Variants in MGST3 observed in about 807,000 individuals in gnomAD.
MGST3 encodes microsomal glutathione S-transferase 3.
Under a neutral mutation model 15.8 loss-of-function variants are expected in MGST3, and 13 were observed. The ratio of observed to expected loss-of-function variants is 0.82; its 90% CI spans 0.54 to 1.31. MGST3 has a LOEUF of 1.31. Among genes scored for constraint, MGST3 ranks in the 50% most tolerant of loss-of-function variants. The pLI is 0.00. For synonymous variants in MGST3, 49 were observed against 68.1 expected (o/e 0.72, Z 1.38); for missense variants, 155 against 192.4 (o/e 0.81, Z 1.15).
At chr1:165,642,453 GA>G (rs1377678591) in intron 1 of MGST3, among the ~76,000 whole-genome samples, 11 of 152,194 alleles carry the variant, frequency 7.2e-5, no homozygotes, top group Non-Finnish European at 1.5e-4. Flanking sequence ...TGAGAGTTCA[GA>G]AAAGGAAGAG....
At chr1:165,650,008 G>T in intron 2 of MGST3, 44 bp downstream of exon 2, 2 of 1,612,340 alleles carry the variant, frequency 1.2e-6, no homozygotes, top group East Asian at 2.2e-5. Flanking sequence ...CTTGTCTGGG[G>T]GCCACAGGCT....
chr1:165,632,101 A>G (rs1315269315), intron 1 of MGST3: 8 of 710,148 alleles, frequency 1.1e-5, no homozygotes, highest in Admixed American at 7.4e-5. Context: ...ACTTTCCTTG[A>G]GAGTCACGAG....
rs781671733 is a variant in MGST3, at chr1:165,655,816, A to G, written c.*312A>G. 4.5e-5 allele frequency: 16 copies of G among 353,994 alleles called. No individual in the cohort carries two copies. Among genetic ancestry groups the G allele is most frequent in the Non-Finnish European group, 8.4e-5 (16 of 189,632 alleles). 21.9% of individuals were successfully genotyped at this position (353,994 alleles called of 1,614,324 possible). On this transcript the variant is annotated 3_prime_UTR_variant, in exon 6 of 6. Transcript: ENST00000367889. ...AGTCATGCCACAGTGATGAAAAATT[A>G]AAGAAAAATCTTCTAGCTCTCAGGA...
At chr1:165,637,259 G>A (rs1185967018) in intron 1 of MGST3, 1 of 152,216 alleles carries the variant, frequency 6.6e-6, no homozygotes, top group East Asian at 1.9e-4. Flanking sequence ...ATCATACACA[G>A]AAGTAGGGAC....
At chr1:165,643,929 G>A (rs1418861187) in intron 1 of MGST3, among the ~76,000 whole-genome samples, 1 of 151,554 alleles carries the variant, frequency 6.6e-6, no homozygotes, top group Non-Finnish European at 1.5e-5. Context: ...ATGTCAATGT[G>A]TGCCTGCAGC....
chr1:165,649,480 A>T (rs9333464), intron 1 of MGST3: 1 of 235,886 alleles, frequency 4.2e-6, no homozygotes, highest in South Asian at 4.9e-5. Context: ...TTAGCATTTT[A>T]CCATGTTAAA....
chr1:165,638,462 G>A (rs2348726), intron 1 of MGST3, among the ~76,000 whole-genome samples: 77,642 of 151,814 alleles, frequency 0.51, 20,180 homozygotes, highest in East Asian at 0.8. Context: ...GACAGAGGGG[G>A]ACCCTGTCTC....
intron 1 of MGST3, among the ~76,000 whole-genome samples, chr1:165,638,869 C>T (rs1444257719): frequency 2.6e-5 from 4 of 151,572 alleles, no homozygotes; most frequent in Non-Finnish European, 4.4e-5. Flanking sequence ...TCTGTGGAAA[C>T]CAGCCACTAA....
intron 1 of MGST3, among the ~76,000 whole-genome samples, chr1:165,636,590 A>C (rs944306319): frequency 6.6e-6 from 1 of 151,924 alleles, no homozygotes; most frequent in African/African-American, 2.4e-5. Flanking sequence ...ACAAAAATTA[A>C]CCGGGGCGTG....
At chr1:165,635,951 C>T (rs1648099179) in intron 1 of MGST3, 1 of 152,200 alleles carries the variant, frequency 6.6e-6, no homozygotes, top group Non-Finnish European at 1.5e-5. Context: ...GAACAATCTA[C>T]TGAATATGCA....
intron 5 of MGST3, among the ~76,000 whole-genome samples, chr1:165,654,881 CT>C (rs1648667471): frequency 6.6e-6 from 1 of 152,088 alleles, no homozygotes; most frequent in African/African-American, 2.4e-5. Flanking sequence ...GTTATTTAAC[CT>C]TACAACAATT....
intron 1 of MGST3, among the ~76,000 whole-genome samples, chr1:165,639,701 G>A (rs2101716502): frequency 6.6e-6 from 1 of 152,304 alleles, no homozygotes; most frequent in South Asian, 2.1e-4. Flanking sequence ...TACTCTGGAG[G>A]TTGAGGCATG....
intron 1 of MGST3, among the ~76,000 whole-genome samples, chr1:165,634,592 G>A (rs956718372): frequency 6.6e-6 from 1 of 152,024 alleles, no homozygotes; most frequent in African/African-American, 2.4e-5. Flanking sequence ...TGCTCTTGCT[G>A]TTTTCTTTAC....
chr1:165,633,390 G>A (rs1648010564), intron 1 of MGST3, among the ~76,000 whole-genome samples: 1 of 152,048 alleles, frequency 6.6e-6, no homozygotes, highest in Non-Finnish European at 1.5e-5. Context: ...GAGTTGATCT[G>A]TTCATTAACT....
At chr1:165,643,772 G>A (rs1365892466) in intron 1 of MGST3, among the ~76,000 whole-genome samples, 1 of 152,042 alleles carries the variant, frequency 6.6e-6, no homozygotes, top group African/African-American at 2.4e-5. Context: ...GGAGGATGAG[G>A]CATGAGAATT....
intron 4 of MGST3, chr1:165,653,717 T>G (rs1648623951): frequency 6.4e-6 from 1 of 157,088 alleles, no homozygotes; most frequent in Admixed American, 6.1e-5. Context: ...ACAGGGAGAC[T>G]TTTCCCTCGA....
intron 1 of MGST3, among the ~76,000 whole-genome samples, chr1:165,642,507 A>T (rs1648287498): frequency 6.6e-6 from 1 of 152,258 alleles, no homozygotes; most frequent in Non-Finnish European, 1.5e-5. Flanking sequence ...AATGGCAGTT[A>T]TAAATTCTAA....
chr1:165,640,310 A>C (rs1262974989), intron 1 of MGST3, among the ~76,000 whole-genome samples: 1 of 152,074 alleles, frequency 6.6e-6, no homozygotes, highest in Non-Finnish European at 1.5e-5. Context: ...TGAAGAGCTT[A>C]GCTGGAGCTT....
intron 5 of MGST3, 97 bp downstream of exon 5, chr1:165,654,448 T>A: frequency 3.4e-6 from 4 of 1,164,656 alleles, no homozygotes; most frequent in Non-Finnish European, 5.2e-6. Flanking sequence ...CCCAGCACTT[T>A]GGGAGGCGAA....
Sources: allele counts gnomAD v4.1 joint callset (sites outside exome capture counted in the v4.1 genomes callset), GRCh38; gene constraint gnomAD v4.1.1; transcripts MANE v1.5; gene names NCBI Gene and HGNC (gene_info 2026-07-23, HGNC 2026-07-21).